BICD1: variants seen among roughly 807,000 people sequenced by gnomAD.
BICD1 encodes BICD cargo adaptor 1.
A neutral mutation model predicts 92.5 loss-of-function variants in BICD1; 35 were observed. The ratio of observed to expected loss-of-function variants is 0.38; its 90% CI spans 0.29 to 0.50. BICD1 has a LOEUF of 0.50. BICD1 is among the 20% of genes least tolerant of loss of function. The pLI is 0.93. For missense variants in BICD1, 950 were observed against 1,189.8 expected (o/e 0.80, Z 2.97); for synonymous variants, 429 against 465.1 (o/e 0.92, Z 1.00).
chr12:32,353,432 T>C (rs543029797), intron 8 of BICD1: 5 of 152,218 alleles, frequency 3.3e-5, no homozygotes, highest in African/African-American at 9.6e-5. Context: ...TTACATGTTA[T>C]AAGTCTTTCC....
At chr12:32,266,065 A>G (rs1946987338) in intron 2 of BICD1, among the ~76,000 whole-genome samples, 1 of 152,136 alleles carries the variant, frequency 6.6e-6, no homozygotes, top group African/African-American at 2.4e-5. Context: ...TTTAATAGTG[A>G]TATATACAGA....
intron 1 of BICD1, among the ~76,000 whole-genome samples, chr12:32,198,424 G>T (rs1368658988): frequency 6.8e-6 from 1 of 147,436 alleles, no homozygotes; most frequent in Non-Finnish European, 1.5e-5. Flanking sequence ...TCAGGGTCAG[G>T]GATGAATGTT....
chr12:32,130,676 C>T (rs1479058825), intron 1 of BICD1, among the ~76,000 whole-genome samples: 1 of 151,808 alleles, frequency 6.6e-6, no homozygotes, highest in African/African-American at 2.4e-5. Flanking sequence ...AAATACCACT[C>T]GTTAGAGAGA....
At chr12:32,322,298 G>A (rs998563479) in intron 4 of BICD1, among the ~76,000 whole-genome samples, 3 of 152,086 alleles carry the variant, frequency 2.0e-5, no homozygotes, top group Non-Finnish European at 2.9e-5. Flanking sequence ...CAGCAGAAAC[G>A]TATTAAATAT....
intron 2 of BICD1, among the ~76,000 whole-genome samples, chr12:32,278,864 A>AAAATAAAT (rs59177126): frequency 0.012 from 1,802 of 150,432 alleles, 29 homozygotes; most frequent in East Asian, 0.044. Flanking sequence ...TCAAAGAAAT[A>AAAATAAAT]AAATAAATAA....
intron 1 of BICD1, among the ~76,000 whole-genome samples, chr12:32,212,205 G>GC (rs1555148151): frequency 3.3e-5 from 5 of 151,856 alleles, no homozygotes; most frequent in African/African-American, 2.4e-5. Flanking sequence ...GGTTTTCAGT[G>GC]TTTTTTTGTT....
intron 5 of BICD1, chr12:32,332,791 G>C: frequency 1.1e-6 from 1 of 894,488 alleles, no homozygotes; most frequent in African/African-American, 1.8e-5. Context: ...AGGTAGAGAG[G>C]CTTTGGAGTG....
chr12:32,185,233 A>T (rs1944395963), intron 1 of BICD1, among the ~76,000 whole-genome samples: 1 of 152,206 alleles, frequency 6.6e-6, no homozygotes, highest in African/African-American at 2.4e-5. Flanking sequence ...TCTACCACTC[A>T]CAGGAATGTT....
intron 2 of BICD1, among the ~76,000 whole-genome samples, chr12:32,268,787 A>G (rs1343550419): frequency 1.3e-5 from 2 of 152,164 alleles, no homozygotes; most frequent in South Asian, 2.1e-4. Context: ...CAATAAAAAT[A>G]AATAAATGAA....
chr12:32,282,296 C>T (rs1947439095), intron 2 of BICD1, among the ~76,000 whole-genome samples: 1 of 148,740 alleles, frequency 6.7e-6, no homozygotes, highest in South Asian at 2.1e-4. Context: ...TCTCGGCCCA[C>T]TATAGCCTCC....
At chr12:32,134,699 T>A (rs1942667864) in intron 1 of BICD1, among the ~76,000 whole-genome samples, 2 of 152,174 alleles carry the variant, frequency 1.3e-5, no homozygotes, top group Admixed American at 1.3e-4. Flanking sequence ...GAATAAAGTC[T>A]TGATAACAGT....
chr12:32,339,501 T>C (rs1339696712), intron 8 of BICD1: 59 of 985,350 alleles, frequency 6.0e-5, no homozygotes, highest in Non-Finnish European at 7.0e-5. Context: ...CTTAGTATAA[T>C]GTTCTTGTAG....
intron 1 of BICD1, among the ~76,000 whole-genome samples, chr12:32,116,304 G>C (rs960274687): frequency 2.6e-5 from 4 of 152,050 alleles, no homozygotes; most frequent in Non-Finnish European, 4.4e-5. Flanking sequence ...CCTAGTTGCA[G>C]TAATTTTCAC....
chr12:32,324,229 C>T (rs1232703567), intron 4 of BICD1, among the ~76,000 whole-genome samples: 1 of 151,986 alleles, frequency 6.6e-6, no homozygotes, highest in Non-Finnish European at 1.5e-5. Context: ...GTGGCGTGTG[C>T]CTGTAGTCCC....
chr12:32,216,152 A>T, intron 1 of BICD1, 95 bp from the exon 2 acceptor site: 2 of 1,268,770 alleles, frequency 1.6e-6, no homozygotes, highest in Non-Finnish European at 2.2e-6. Context: ...AGCTTTTCTT[A>T]CACATATAAG....
At chr12:32,138,478 C>CA (rs2121347684) in intron 1 of BICD1, among the ~76,000 whole-genome samples, 1 of 152,290 alleles carries the variant, frequency 6.6e-6, no homozygotes, top group Admixed American at 6.5e-5. Flanking sequence ...CCTGACTTAA[C>CA]GATGGTTCAT....
chr12:32,233,193 G>C (rs1715495737), intron 2 of BICD1, among the ~76,000 whole-genome samples: 1 of 151,922 alleles, frequency 6.6e-6, no homozygotes, highest in Non-Finnish European at 1.5e-5. Flanking sequence ...ATGGTGGCGG[G>C]CACATGTAAC....
chr12:32,243,264 A>ATTTTTTTTTTTTTTTTT lies in BICD1; in HGVS notation c.426+26810_426+26826dup, dbSNP rs71068310. Among the ~76,000 whole-genome samples, 347 of 74,002 alleles carry ATTTTTTTTTTTTTTTTT rather than the reference A, an allele frequency of 4.7e-3. 3 individuals carry two copies. Among genetic ancestry groups the ATTTTTTTTTTTTTTTTT allele is most frequent in the East Asian group, 0.012 (27 of 2,280 alleles). The allele number at this position is 74,002 out of a possible 152,430, so 48.5% of individuals were successfully genotyped here. On this transcript the variant is annotated intron_variant, in intron 2 of 9. Transcript: ENST00000652176. ...AGGCACGCCCCACCATGCCTGGCTA[A>ATTTTTTTTTTTTTTTTT]TTTTTTTTTTTTTTTTTTTTTGTAT...
intron 8 of BICD1, among the ~76,000 whole-genome samples, chr12:32,356,455 C>T (rs1349482273): frequency 6.6e-6 from 1 of 152,006 alleles, no homozygotes; most frequent in Non-Finnish European, 1.5e-5. Flanking sequence ...AGTTCAAGAG[C>T]AGCCTTGGCA....
Sources: gnomAD v4.1 joint callset for allele counts (sites outside exome capture counted in the v4.1 genomes callset) on GRCh38, gnomAD v4.1.1 for gene constraint, MANE v1.5 for transcripts, NCBI Gene and HGNC (gene_info 2026-07-23, HGNC 2026-07-21) for gene names.